B3GAT3: variants seen among roughly 807,000 people sequenced by gnomAD.
B3GAT3 encodes the protein galactosylgalactosylxylosylprotein 3-beta-glucuronosyltransferase 3.
A neutral mutation model predicts 33.1 loss-of-function variants in B3GAT3; 19 were observed. That is an observed-to-expected ratio of 0.57 (90% CI 0.40 to 0.84). The LOEUF is 0.84. Ranked by LOEUF, B3GAT3 falls within the 40% of genes least tolerant of loss-of-function variation. The pLI is 0.00. For missense variants in B3GAT3, 344 were observed against 441.5 expected (o/e 0.78, Z 1.98); for synonymous variants, 167 against 193.5 (o/e 0.86, Z 1.14).
chr11:62,619,241 TC>T (rs1329009971), intron 2 of B3GAT3, among the ~76,000 whole-genome samples: 2 of 151,776 alleles, frequency 1.3e-5, no homozygotes, highest in Non-Finnish European at 2.9e-5. Context: ...TACTTCTTTA[TC>T]CTTCAGATCT....
At chr11:62,616,929 G>C (rs1028677139) in intron 3 of B3GAT3, 58 bp downstream of exon 3, 4 of 1,613,456 alleles carry the variant, frequency 2.5e-6, no homozygotes, top group Admixed American at 3.3e-5. Flanking sequence ...TGCTAACCAA[G>C]GTAACGAATG....
chr11:62,618,538 TG>T (rs990220259), intron 2 of B3GAT3, among the ~76,000 whole-genome samples: 2 of 151,382 alleles, frequency 1.3e-5, no homozygotes, highest in African/African-American at 2.4e-5. Flanking sequence ...GGCGGGCACC[TG>T]TAGTCCCAGC....
chr11:62,615,825 G>A, intron 4 of B3GAT3, 26 bp from the exon 5 acceptor site: 1 of 1,610,678 alleles, frequency 6.2e-7, no homozygotes, highest in Non-Finnish European at 8.5e-7. Context: ...TGCAGTGAGA[G>A]CCAGGCCCAG....
chr11:62,617,409 G>A (rs1943056463), intron 2 of B3GAT3, 62 bp from the exon 3 acceptor site: 2 of 1,599,548 alleles, frequency 1.3e-6, no homozygotes, highest in Non-Finnish European at 8.5e-7. Flanking sequence ...CTCCAGCCAG[G>A]GCAGACAGCT....
Position 62,617,321 on chromosome 11 carries a change from C to T in B3GAT3, c.284G>A (p.Arg95Gln), listed in dbSNP as rs144327434. The T allele has an allele frequency of 3.7e-5, 60 of 1,612,984 alleles. 1 individual carries two copies. Among genetic ancestry groups the T allele is most frequent in the East Asian group, 1.1e-4 (5 of 44,892 alleles). Residue 95 changes from arginine to glutamine, a missense_variant, in exon 3 of 5, where the codon CGA becomes CAA. Physicochemically the swap from Arg to Gln is conservative, Grantham distance 43. Transcript: ENST00000265471. ...CACCAGGCTCAGTGTCTGGGACAGT[C>T]GTACCAGCTCTGCCTTCTGTACCAG... is the stretch of plus-strand genomic sequence containing the variant. ...ARLVQKAELV[R>Q]LSQTLSLVPR...
chr11:62,615,802 G>A lies in B3GAT3; in HGVS notation c.910-3C>T, dbSNP rs201387537. On this transcript the variant is annotated splice_polypyrimidine_tract_variant and splice_region_variant and intron_variant, in intron 4 of 4. Coordinates refer to ENST00000265471, the MANE Select transcript of B3GAT3 (RefSeq NM_012200.4). ...GTCCGAGTATGCCACACCAGTACCTGTGCCAGGAGGGATGCAGTGAGAGCC... is the reference window on the plus strand; with the variant it reads ...GTCCGAGTATGCCACACCAGTACCTATGCCAGGAGGGATGCAGTGAGAGCC... 2.5e-5 allele frequency: 41 copies of A among 1,613,450 alleles called. No homozygotes were observed. The highest frequency in any genetic ancestry group is 3.1e-5 in the Non-Finnish European group (36 of 1,180,014).
intron 1 of B3GAT3, among the ~76,000 whole-genome samples, chr11:62,621,520 G>A (rs1226480078): frequency 6.6e-6 from 1 of 152,138 alleles, no homozygotes; most frequent in Non-Finnish European, 1.5e-5. Flanking sequence ...GAGGGAACAA[G>A]TTAAGTGCTT....
At chr11:62,621,550 G>T (rs1943145023) in intron 1 of B3GAT3, among the ~76,000 whole-genome samples, 1 of 152,148 alleles carries the variant, frequency 6.6e-6, no homozygotes, top group African/African-American at 2.4e-5. Flanking sequence ...ATGAGCGTGG[G>T]GTTTTCGAGA....
rs375817456 is a variant in B3GAT3, at chr11:62,620,648, G to T, written c.106C>A (p.Pro36Thr). The change falls in exon 2 of 5, where the codon CCC (proline) becomes ACC (threonine). Residue 36 changes from proline (P) to threonine (T), a missense_variant. Pro to Thr is a conservative substitution (Grantham distance 38). Transcript: ENST00000265471. Reference sequence around the variant, plus strand: ...AGCTGCTCGGCTGCTGCCCGCAGGGGAGGAAGGCAGTCACATGGCTGGCCT... The same window carrying T: ...AGCTGCTCGGCTGCTGCCCGCAGGGTAGGAAGGCAGTCACATGGCTGGCCT... Reference protein sequence around the residue: ...QLGQPCDCLPPLRAAAEQLRQ... With the variant: ...QLGQPCDCLPTLRAAAEQLRQ... 6.8e-6 allele frequency: 11 copies of T among 1,611,976 alleles called. No homozygotes were observed. The highest frequency in any genetic ancestry group is 6.7e-5 in the African/African-American group (5 of 75,050).
intron 1 of B3GAT3, 120 bp downstream of exon 1, chr11:62,621,746 G>T: frequency 9.0e-7 from 1 of 1,112,696 alleles, no homozygotes; most frequent in South Asian, 1.6e-5. Context: ...TGAGGCCGCA[G>T]AGCTGTCCGG....
At chr11:62,616,818 G>GA (rs760925226) in intron 3 of B3GAT3, 22 bp from the exon 4 acceptor site, 4 of 1,613,632 alleles carry the variant, frequency 2.5e-6, no homozygotes, top group African/African-American at 1.3e-5. Flanking sequence ...CGGGAGAGAA[G>GA]AAACAGAGGG....
At chr11:62,621,091 G>C in intron 1 of B3GAT3, 1 of 463,598 alleles carries the variant, frequency 2.2e-6, no homozygotes, top group Non-Finnish European at 4.3e-6. Flanking sequence ...CTAAATCTTT[G>C]CATAAGGGGC....
chr11:62,615,990 C>CCCCA, intron 4 of B3GAT3, 191 bp from the exon 5 acceptor site: 1 of 1,448,716 alleles, frequency 6.9e-7, no homozygotes, highest in South Asian at 1.4e-5. Context: ...ACGCCTGTAA[C>CCCCA]CCCAGCACTT....
At position 62,617,207 on chromosome 11, in the gene B3GAT3, G is replaced by A. The variant is rs1943050415; in HGVS notation, c.398C>T (p.Thr133Ile). ...GLLAASGLLFTHLVVLTPKAQ... is the reference protein window; with the variant it reads ...GLLAASGLLFIHLVVLTPKAQ... Reference sequence around the variant, plus strand: ...TTTGGGCGTGAGGACCACCAGGTGTGTGAAGAGGAGGCCAGAGGCAGCCAG... The same window carrying A: ...TTTGGGCGTGAGGACCACCAGGTGTATGAAGAGGAGGCCAGAGGCAGCCAG... Residue 133 changes from threonine (T) to isoleucine (I), a missense_variant, in exon 3 of 5, where the codon ACA becomes ATA. Thr to Ile is a moderately conservative substitution (Grantham distance 89, BLOSUM62 -1). Transcript: ENST00000265471. 1 of 1,613,860 alleles carries A rather than the reference G, an allele frequency of 6.2e-7. No homozygotes were observed.
Position 62,619,699 on chromosome 11 carries a change from C to CTTTTTTTTTT in B3GAT3, c.257+788_257+797dup, listed in dbSNP as rs5792264. 3.4e-4 allele frequency among the ~76,000 whole-genome samples: 29 copies of CTTTTTTTTTT among 85,708 alleles called. 6 individuals are homozygous for CTTTTTTTTTT. Among genetic ancestry groups the CTTTTTTTTTT allele is most frequent in the Non-Finnish European group, 4.3e-4 (21 of 49,192 alleles). 56.2% of individuals were successfully genotyped at this position (85,708 alleles called of 152,430 possible). On this transcript the variant is annotated intron_variant, in intron 2 of 4. Coordinates refer to ENST00000265471, the MANE Select transcript of B3GAT3 (RefSeq NM_012200.4). ...GGCATGCACCATCACGCCTAGCTAA[C>CTTTTTTTTTT]TTTTTTTTTTTTTTTTTTTTTTTTT...
At chr11:62,621,667 G>C (rs1164255846) in intron 1 of B3GAT3, among the ~76,000 whole-genome samples, 199 bp downstream of exon 1, 1 of 152,262 alleles carries the variant, frequency 6.6e-6, no homozygotes, top group Non-Finnish European at 1.5e-5. Flanking sequence ...GCAGGCTCTG[G>C]GAAGGAGTCT....
intron 1 of B3GAT3, among the ~76,000 whole-genome samples, chr11:62,621,514 G>A (rs1278287893): frequency 6.6e-6 from 1 of 152,142 alleles, no homozygotes; most frequent in Non-Finnish European, 1.5e-5. Flanking sequence ...CAAGCAGAGG[G>A]AACAAGTTAA....
rs762196321 is a variant in B3GAT3 at position 62,615,693 on chromosome 11, GGCC to G, written c.*5_*7del. ...TGAAAAGAGGTGGTAGTTGGGGTGG[GGCC>G]GCCATCACACCTCAATTGCTGGGTC... On this transcript the variant is annotated 3_prime_UTR_variant, in exon 5 of 5. Transcript: ENST00000265471. The G allele has an allele frequency of 6.2e-7, 1 of 1,612,664 alleles. No individual in the cohort carries two copies. The highest frequency in any genetic ancestry group is 2.2e-5 in the East Asian group (1 of 44,864).
At chr11:62,616,105 G>A (rs1266890701) in intron 4 of B3GAT3, 15 of 662,288 alleles carry the variant, frequency 2.3e-5, no homozygotes, top group Middle Eastern at 4.8e-4. Flanking sequence ...TTAGCCGGGC[G>A]TGGTAGCGGG....
Sources: gnomAD v4.1 joint callset for allele counts (sites outside exome capture counted in the v4.1 genomes callset) on GRCh38, gnomAD v4.1.1 for gene constraint, MANE v1.5 for transcripts, NCBI Gene and HGNC (gene_info 2026-07-23, HGNC 2026-07-21) for gene names.